CNTN4: variants seen among roughly 807,000 people sequenced by gnomAD.
CNTN4 encodes contactin 4.
CNTN4 carries 77 observed loss-of-function variants against 122.5 expected under a neutral mutation model. That is an observed-to-expected ratio of 0.63 (90% CI 0.52 to 0.76). The LOEUF (loss-of-function observed/expected upper bound fraction) is 0.76, where lower values mean the gene tolerates loss of function less well. Ranked by LOEUF, CNTN4 falls within the 30% of genes least tolerant of loss-of-function variation. The pLI, the probability that CNTN4 is intolerant of heterozygous loss-of-function variation, is 0.00. For synonymous variants in CNTN4, 512 were observed against 447.0 expected (o/e 1.15, Z -1.83); for missense variants, 1,256 against 1,259.1 (o/e 1.00, Z 0.04).
intron 3 of CNTN4, among the ~76,000 whole-genome samples, chr3:2,393,283 G>C (rs2046513729): frequency 6.6e-6 from 1 of 152,018 alleles, no homozygotes; most frequent in African/African-American, 2.4e-5. Context: ...AATTTAACTA[G>C]TTATACCTGT....
At position 3,040,022 on chromosome 3, in the gene CNTN4, T is replaced by G. The variant is rs780314309; in HGVS notation, c.2164-15T>G. 6.4e-7 allele frequency: 1 copy of G among 1,571,080 alleles called. No homozygotes were observed. The highest frequency in any genetic ancestry group is 8.8e-7 in the Non-Finnish European group (1 of 1,140,450). ...ACTACTGTGATTTCTGAAGACCACCTTCCTTCTTTCCCAGACGGTCCCTGA... is the reference window on the plus strand; with the variant it reads ...ACTACTGTGATTTCTGAAGACCACCGTCCTTCTTTCCCAGACGGTCCCTGA... On this transcript the variant is annotated splice_polypyrimidine_tract_variant and intron_variant, in intron 19 of 24. Coordinates refer to ENST00000418658, the MANE Select transcript of CNTN4 (RefSeq NM_175607.3).
rs1383757566 is a variant in CNTN4 at position 2,736,287 on chromosome 3, A to G, written c.128A>G (p.Glu43Gly). ...SPVMFPLDSE[E>G]KKVKLNCEVK... ...GTAATGTTCCCTTTGGATTCTGAGG[A>G]GAAAAAAGTGAAGCTCAATTGTGAA... Residue 43 changes from glutamate (E) to glycine (G), a missense_variant, in exon 5 of 25, where the codon GAG (glutamate) becomes GGG (glycine). By Grantham distance (98) the Glu-to-Gly change is moderately conservative. Coordinates refer to ENST00000418658, the MANE Select transcript of CNTN4 (RefSeq NM_175607.3). The G allele has an allele frequency of 1.9e-6, 3 of 1,613,692 alleles. No homozygotes were observed. Among genetic ancestry groups the G allele is most frequent in the Non-Finnish European group, 2.5e-6 (3 of 1,179,836 alleles).
chr3:2,312,523 G>A (rs1380091650), intron 2 of CNTN4, among the ~76,000 whole-genome samples: 1 of 151,976 alleles, frequency 6.6e-6, no homozygotes, highest in Non-Finnish European at 1.5e-5. Context: ...TCTTATCCCA[G>A]TGAGCCAGGA....
rs147149819 is a variant in CNTN4, at chr3:2,196,955, G to C, written c.-145+96316G>C. On this transcript the variant is annotated intron_variant, in intron 2 of 24. Coordinates refer to ENST00000418658, the MANE Select transcript of CNTN4 (RefSeq NM_175607.3). ...GCTACTCAGGAAGGCTAAGGCAGGA[G>C]AATCGCTTGAACCCAGGAGGCAGAG... Among the ~76,000 whole-genome samples the C allele has an allele frequency of 7.8e-3, 1,173 of 149,702 alleles. 9 individuals are homozygous for C. The highest frequency in any genetic ancestry group is 0.024 in the Admixed American group (358 of 14,822).
In CNTN4 at chr3:2,809,676, T is replaced by C. The variant is rs1407474925; in HGVS notation, c.359-9810T>C. Among the ~76,000 whole-genome samples, 3 of 152,240 alleles carry C rather than the reference T, an allele frequency of 2.0e-5. No homozygotes were observed. The South Asian group carries it at 6.2e-4, about 32-fold the overall frequency. ...ATATGAGAAAAGAGATGAGCTCCCG[T>C]AGAGAAAAATGCTGGTAATAATAGC... is the stretch of plus-strand genomic sequence containing the variant. On this transcript the variant is annotated intron_variant, in intron 6 of 24. Transcript: ENST00000418658.
chr3:2,754,786 A>G (rs1478054133), intron 6 of CNTN4, among the ~76,000 whole-genome samples: 3 of 152,120 alleles, frequency 2.0e-5, no homozygotes, highest in South Asian at 2.1e-4. Flanking sequence ...AAAAGAGAGT[A>G]ATGTAACACA....
At chr3:2,405,566 T>C (rs2047003216) in intron 3 of CNTN4, among the ~76,000 whole-genome samples, 1 of 151,158 alleles carries the variant, frequency 6.6e-6, no homozygotes, top group African/African-American at 2.4e-5. Flanking sequence ...ATAAAATAGA[T>C]ATATGCGAAC....
At chr3:2,889,302 G>A (rs1437588810) in intron 10 of CNTN4, among the ~76,000 whole-genome samples, 2 of 152,188 alleles carry the variant, frequency 1.3e-5, no homozygotes, top group Admixed American at 1.3e-4. Flanking sequence ...GGCAGTAGCT[G>A]TTTGAATACA....
At chr3:2,112,313 T>G (rs535779915) in intron 2 of CNTN4, among the ~76,000 whole-genome samples, 8 of 152,198 alleles carry the variant, frequency 5.3e-5, no homozygotes, top group Non-Finnish European at 1.0e-4. Flanking sequence ...TGAAATTTTA[T>G]AAAAGATTTA....
At chr3:2,442,997 G>GA (rs2048492409) in intron 3 of CNTN4, among the ~76,000 whole-genome samples, 1 of 151,996 alleles carries the variant, frequency 6.6e-6, no homozygotes, top group Admixed American at 6.6e-5. Context: ...AAAATAGGGA[G>GA]GGTGTAAGGA....
chr3:2,408,634 C>A (rs1047523126), intron 3 of CNTN4, among the ~76,000 whole-genome samples: 2 of 152,152 alleles, frequency 1.3e-5, no homozygotes, highest in Middle Eastern at 6.8e-3. Context: ...TTCAAGTGAA[C>A]CCTTGGAAAA....
intron 14 of CNTN4, among the ~76,000 whole-genome samples, chr3:3,009,548 C>T (rs910514593): frequency 4.6e-5 from 7 of 150,792 alleles, no homozygotes; most frequent in South Asian, 4.2e-4. Context: ...ATTCTCCTGC[C>T]TCAGCTTCCC....
chr3:2,620,918 C>T (rs1205568268), intron 4 of CNTN4, among the ~76,000 whole-genome samples: 1 of 152,132 alleles, frequency 6.6e-6, no homozygotes, highest in African/African-American at 2.4e-5. Flanking sequence ...GGAGACTATA[C>T]ATTTAAAAGA....
Position 2,606,471 on chromosome 3 carries a change from C to T in CNTN4, c.55+34913C>T, listed in dbSNP as rs377756124. Among the ~76,000 whole-genome samples, 20 of 152,248 alleles carry T rather than the reference C, an allele frequency of 1.3e-4. No individual in the cohort carries two copies. The East Asian group carries it at 1.4e-3, about 10-fold the overall frequency. On this transcript the variant is annotated intron_variant, in intron 4 of 24. Coordinates refer to ENST00000418658, the MANE Select transcript of CNTN4 (RefSeq NM_175607.3). The stretch of plus-strand genomic sequence containing the variant: ...TACCTATGTAACAAACCTGCACATC[C>T]TGCACATGTATCCCGGAACTTAAAA...
chr3:3,023,884 A>T (rs145429725), intron 14 of CNTN4, among the ~76,000 whole-genome samples: 2 of 152,310 alleles, frequency 1.3e-5, no homozygotes, highest in East Asian at 3.9e-4. Context: ...GCATGTGGAC[A>T]TCGTGTTTTC....
chr3:2,243,571 A>G (rs1409994188), intron 2 of CNTN4, among the ~76,000 whole-genome samples: 4 of 152,074 alleles, frequency 2.6e-5, no homozygotes, highest in Non-Finnish European at 5.9e-5. Context: ...GGCCCAAGAC[A>G]ACTCTTCTTC....
At chr3:2,276,372 C>T (rs1168552722) in intron 2 of CNTN4, among the ~76,000 whole-genome samples, 1 of 152,012 alleles carries the variant, frequency 6.6e-6, no homozygotes, top group East Asian at 1.9e-4. Flanking sequence ...GAGGGTTTCA[C>T]CACGTTGGCC....
At chr3:2,627,688 T>G (rs994484297) in intron 4 of CNTN4, among the ~76,000 whole-genome samples, 1 of 151,722 alleles carries the variant, frequency 6.6e-6, no homozygotes, top group Non-Finnish European at 1.5e-5. Context: ...AGAGACGGGG[T>G]TTCACCGTGT....
chr3:2,176,149 C>T (rs1419154701), intron 2 of CNTN4, among the ~76,000 whole-genome samples: 1 of 152,140 alleles, frequency 6.6e-6, no homozygotes, highest in Admixed American at 6.5e-5. Flanking sequence ...ACAGAACATG[C>T]ATTAACTATG....
Sources: allele counts gnomAD v4.1 joint callset (sites outside exome capture counted in the v4.1 genomes callset), GRCh38; gene constraint gnomAD v4.1.1; transcripts MANE v1.5; gene names NCBI Gene and HGNC (gene_info 2026-07-23, HGNC 2026-07-21).